Variants in SLC24A2 observed in about 807,000 individuals in gnomAD.
SLC24A2 encodes the protein solute carrier family 24 member 2.
In SLC24A2, 36 loss-of-function variants were observed where a neutral mutation model predicts 62.0. That is an observed-to-expected ratio of 0.58 (90% CI 0.44 to 0.77). SLC24A2 has a LOEUF of 0.77. Among genes scored for constraint, SLC24A2 ranks in the 30% least tolerant of loss-of-function variants. The pLI, the probability that SLC24A2 is intolerant of heterozygous loss-of-function variation, is 0.00. For missense variants in SLC24A2, 846 were observed against 817.9 expected, an observed-to-expected ratio of 1.03 and a Z score of -0.42; for synonymous variants, 358 against 294.0, an observed-to-expected ratio of 1.22 and a Z score of -2.23.
chr9:20,188,844 A>G, the SLC24A2 span, among the ~76,000 whole-genome samples: 1 of 152,234 alleles, frequency 6.6e-6, no homozygotes, highest in Middle Eastern at 3.2e-3. Context: ...AACTGATGGT[A>G]GGCTTCCAGC....
the SLC24A2 span, among the ~76,000 whole-genome samples, chr9:19,836,400 C>A: frequency 2.0e-5 from 3 of 152,136 alleles, no homozygotes; most frequent in African/African-American, 7.2e-5. Context: ...GGGGATACCA[C>A]CACCGATCCC....
At chr9:19,972,447 C>T in the SLC24A2 span, among the ~76,000 whole-genome samples, 1 of 152,230 alleles carries the variant, frequency 6.6e-6, no homozygotes, top group African/African-American at 2.4e-5. Context: ...AAGCTTTTCA[C>T]ATACATTATG....
At chr9:20,138,876 C>T in the SLC24A2 span, among the ~76,000 whole-genome samples, 9 of 152,184 alleles carry the variant, frequency 5.9e-5, no homozygotes, top group African/African-American at 7.2e-5. Context: ...CGCTCCCAGG[C>T]GAAGGCCTCA....
At position 19,520,970 on chromosome 9, in the gene SLC24A2, T is replaced by C. The variant is rs766903576; in HGVS notation, c.1660A>G (p.Ile554Val). 1.9e-6 allele frequency: 3 copies of C among 1,614,096 alleles called. No homozygotes were observed. The highest frequency in any genetic ancestry group is 4.5e-5 in the East Asian group (2 of 44,848). ...TCCCCTAACCCCTTCCGGGCCACTA[T>C]GACACTGGTGATAAGATCAGGGATG... ...TSIPDLITSV[I>V]VARKGLGDMA... Residue 554 changes from isoleucine to valine, a missense_variant, in exon 10 of 11, where the codon ATA becomes GTA. Coordinates refer to ENST00000341998, the MANE Select transcript of SLC24A2 (RefSeq NM_020344.4).
At chr9:19,784,590 G>A (rs1441341262) in intron 2 of SLC24A2, among the ~76,000 whole-genome samples, 5 of 152,136 alleles carry the variant, frequency 3.3e-5, no homozygotes, top group Non-Finnish European at 7.3e-5. Flanking sequence ...AAACGGACTC[G>A]AGGAGAGCAC....
At chr9:20,038,689 C>G in the SLC24A2 span, among the ~76,000 whole-genome samples, 1 of 148,100 alleles carries the variant, frequency 6.8e-6, no homozygotes, top group Admixed American at 6.7e-5. Context: ...AACTAAAAGT[C>G]ACAGTCTCCT....
chr9:19,727,330 A>T (rs1821200859), intron 2 of SLC24A2, among the ~76,000 whole-genome samples: 1 of 152,210 alleles, frequency 6.6e-6, no homozygotes, highest in African/African-American at 2.4e-5. Flanking sequence ...CAAATTTTTG[A>T]AAAGTGGCCT....
At chr9:19,878,160 T>C in the SLC24A2 span, among the ~76,000 whole-genome samples, 4 of 152,146 alleles carry the variant, frequency 2.6e-5, no homozygotes, top group Admixed American at 1.3e-4. Flanking sequence ...AAAATGCCCT[T>C]ATCAGCAAGA....
intron 7 of SLC24A2, among the ~76,000 whole-genome samples, chr9:19,570,527 A>C (rs1426980485): frequency 6.6e-6 from 1 of 152,224 alleles, no homozygotes; most frequent in African/African-American, 2.4e-5. Context: ...TTATACCCTG[A>C]ATACTCCCCA....
chr9:20,232,397 T>A, the SLC24A2 span, among the ~76,000 whole-genome samples: 1 of 152,344 alleles, frequency 6.6e-6, no homozygotes, highest in East Asian at 1.9e-4. Context: ...CTATTGATTA[T>A]TGCCTCAATT....
the SLC24A2 span, among the ~76,000 whole-genome samples, chr9:19,940,324 T>A: frequency 2.0e-5 from 3 of 152,234 alleles, no homozygotes; most frequent in Non-Finnish European, 4.4e-5. Context: ...ATGACTTTTG[T>A]ACAGAATAGT....
At chr9:19,843,185 T>C in the SLC24A2 span, among the ~76,000 whole-genome samples, 1 of 152,100 alleles carries the variant, frequency 6.6e-6, no homozygotes, top group Non-Finnish European at 1.5e-5. Context: ...TGTCTTGAAA[T>C]TGTGCCCTTC....
the SLC24A2 span, among the ~76,000 whole-genome samples, chr9:20,260,349 A>T: frequency 6.6e-6 from 1 of 152,378 alleles, no homozygotes; most frequent in East Asian, 1.9e-4. Flanking sequence ...AGTCTCAGGT[A>T]TTCTGATACA....
the SLC24A2 span, among the ~76,000 whole-genome samples, chr9:20,179,304 A>G: frequency 2.6e-4 from 40 of 152,264 alleles, no homozygotes; most frequent in East Asian, 5.2e-3. Flanking sequence ...GGTAGTGCAC[A>G]CCATACCCTA....
the SLC24A2 span, among the ~76,000 whole-genome samples, chr9:20,246,665 A>G: frequency 6.6e-6 from 1 of 152,250 alleles, no homozygotes; most frequent in African/African-American, 2.4e-5. Context: ...ATTCAATCAC[A>G]AAGTTCAAGA....
At chr9:20,252,910 T>C in the SLC24A2 span, among the ~76,000 whole-genome samples, 1 of 152,334 alleles carries the variant, frequency 6.6e-6, no homozygotes, top group East Asian at 1.9e-4. Flanking sequence ...GCTCCTGACA[T>C]CGCCCCTTTC....
the SLC24A2 span, among the ~76,000 whole-genome samples, chr9:20,007,451 A>C: frequency 6.6e-6 from 1 of 152,060 alleles, no homozygotes; most frequent in African/African-American, 2.4e-5. Flanking sequence ...TTCTAAGTCT[A>C]ATCTAGGTTC....
chr9:20,205,901 G>T, the SLC24A2 span, among the ~76,000 whole-genome samples: 556 of 152,166 alleles, frequency 3.7e-3, 6 homozygotes, highest in African/African-American at 0.013. Flanking sequence ...AGTCGACAAT[G>T]ATATTAATGA....
At chr9:19,640,188 G>T (rs1323920916) in intron 2 of SLC24A2, among the ~76,000 whole-genome samples, 1 of 152,162 alleles carries the variant, frequency 6.6e-6, no homozygotes, top group Admixed American at 6.5e-5. Context: ...ATTTTAATCT[G>T]CCTGGAACCT....
Sources: allele counts gnomAD v4.1 joint callset (sites outside exome capture counted in the v4.1 genomes callset), GRCh38; gene constraint gnomAD v4.1.1; transcripts MANE v1.5; gene names NCBI Gene and HGNC (gene_info 2026-07-23, HGNC 2026-07-21).